The following SAMMSON variants were observed in gnomAD, a reference collection of about 807,000 sequenced individuals.
The protein encoded by SAMMSON is long intergenic non-protein coding RNA 1212.
At chr3:70,395,916 A>G (rs1274951101) in intron 2 of SAMMSON, among the ~76,000 whole-genome samples, 1 of 152,150 alleles carries the variant, frequency 6.6e-6, no homozygotes, top group Non-Finnish European at 1.5e-5. Context: ...ACCTCAGCTC[A>G]TCCAACCCTT....
intron 4 of SAMMSON, among the ~76,000 whole-genome samples, chr3:70,202,725 C>T (rs1044395275): frequency 6.6e-6 from 1 of 152,102 alleles, no homozygotes; most frequent in African/African-American, 2.4e-5. Context: ...CTTTCTACAC[C>T]CCAGGGTACC....
At chr3:70,060,792 A>C (rs1007971873) in intron 3 of SAMMSON, among the ~76,000 whole-genome samples, 1 of 152,044 alleles carries the variant, frequency 6.6e-6, no homozygotes, top group African/African-American at 2.4e-5. Flanking sequence ...ACTTGGACTG[A>C]GTTTGGGAAT....
chr3:70,405,401 G>C (rs550993673), intron 2 of SAMMSON, among the ~76,000 whole-genome samples: 4 of 152,238 alleles, frequency 2.6e-5, no homozygotes, highest in African/African-American at 9.6e-5. Flanking sequence ...TAGTATAGTA[G>C]AAGAAGCAGG....
chr3:70,289,726 T>G (rs565382248), intron 6 of SAMMSON, among the ~76,000 whole-genome samples: 61 of 152,334 alleles, frequency 4.0e-4, no homozygotes, highest in African/African-American at 1.4e-3. Context: ...TCTTTTCACA[T>G]AGTCCCATAT....
At chr3:70,005,626 CAGAA>C (rs2066923753) in intron 1 of SAMMSON, among the ~76,000 whole-genome samples, 1 of 152,034 alleles carries the variant, frequency 6.6e-6, no homozygotes, top group Non-Finnish European at 1.5e-5. Context: ...GGACCAGATT[CAGAA>C]AAAGGGGCAG....
chr3:70,088,454 C>T (rs951065931), intron 4 of SAMMSON, among the ~76,000 whole-genome samples: 1 of 152,224 alleles, frequency 6.6e-6, no homozygotes, highest in East Asian at 1.9e-4. Flanking sequence ...GTGCATCCAA[C>T]GTGCACCATG....
At chr3:70,346,832 G>A (rs1046792964) in intron 7 of SAMMSON, among the ~76,000 whole-genome samples, 2 of 152,234 alleles carry the variant, frequency 1.3e-5, no homozygotes, top group East Asian at 3.9e-4. Context: ...ATATATAATT[G>A]TAATCCAGTC....
At chr3:70,031,680 A>AG (rs1239488487) in intron 3 of SAMMSON, among the ~76,000 whole-genome samples, 1 of 151,098 alleles carries the variant, frequency 6.6e-6, no homozygotes, top group Non-Finnish European at 1.5e-5. Flanking sequence ...ACATTTTTGC[A>AG]GGAAAAAAAA....
At chr3:70,013,967 C>T (rs2107578058) in intron 3 of SAMMSON, 1 of 152,252 alleles carries the variant, frequency 6.6e-6, no homozygotes, top group Middle Eastern at 3.4e-3. Context: ...GAAATTGTTG[C>T]TTGGTTCCTC....
intron 9 of SAMMSON, among the ~76,000 whole-genome samples, chr3:70,370,535 G>T (rs904754451): frequency 4.6e-5 from 7 of 151,954 alleles, no homozygotes; most frequent in African/African-American, 1.7e-4. Context: ...TTGTGATTTT[G>T]ATTTGCATTT....
At chr3:70,308,134 C>T (rs1388281263) in intron 7 of SAMMSON, among the ~76,000 whole-genome samples, 1 of 152,192 alleles carries the variant, frequency 6.6e-6, no homozygotes, top group Admixed American at 6.5e-5. Flanking sequence ...TCACTGCAGC[C>T]TCAACCTCCC....
intron 7 of SAMMSON, chr3:70,302,498 G>A (rs1479814547): frequency 7.2e-5 from 11 of 152,036 alleles, no homozygotes; most frequent in Admixed American, 7.2e-4. Context: ...TTGATTAAGT[G>A]TATCACATCA....
At chr3:70,322,445 C>T (rs1027944091) in intron 7 of SAMMSON, among the ~76,000 whole-genome samples, 1 of 152,096 alleles carries the variant, frequency 6.6e-6, no homozygotes, top group African/African-American at 2.4e-5. Context: ...GTTCCAAGAT[C>T]TCCTCCCCAA....
At chr3:70,007,763 G>A (rs543588630) in intron 1 of SAMMSON, among the ~76,000 whole-genome samples, 2 of 152,048 alleles carry the variant, frequency 1.3e-5, no homozygotes, top group East Asian at 1.9e-4. Context: ...TTTCTTCTAG[G>A]GTTTTTATGG....
chr3:70,284,341 C>T (rs1702118800), intron 6 of SAMMSON, among the ~76,000 whole-genome samples: 1 of 152,108 alleles, frequency 6.6e-6, no homozygotes, highest in African/African-American at 2.4e-5. Context: ...AAGTTGTAAA[C>T]TAATAAAGTT....
At chr3:70,097,746 C>T (rs1000761838) in intron 4 of SAMMSON, among the ~76,000 whole-genome samples, 1 of 152,178 alleles carries the variant, frequency 6.6e-6, no homozygotes, top group Non-Finnish European at 1.5e-5. Flanking sequence ...GCTTAAAATG[C>T]ATAATCCTCA....
intron 4 of SAMMSON, among the ~76,000 whole-genome samples, chr3:70,101,185 C>A (rs1251811716): frequency 6.6e-6 from 1 of 152,042 alleles, no homozygotes; most frequent in Non-Finnish European, 1.5e-5. Context: ...GTAGCTACCC[C>A]CTCCTCCAAA....
At chr3:70,399,667 A>G (rs1256792168) in intron 2 of SAMMSON, among the ~76,000 whole-genome samples, 1 of 152,064 alleles carries the variant, frequency 6.6e-6, no homozygotes, top group East Asian at 1.9e-4. Flanking sequence ...GGAGTTTGAG[A>G]CCAGCCTGGC....
chr3:70,278,909 A>G (rs1428528374), intron 6 of SAMMSON, among the ~76,000 whole-genome samples: 2 of 151,788 alleles, frequency 1.3e-5, no homozygotes, highest in Non-Finnish European at 2.9e-5. Context: ...AGTGTTTGAC[A>G]TGTATCTGGA....
Sources: allele counts gnomAD v4.1 joint callset (sites outside exome capture counted in the v4.1 genomes callset), GRCh38; gene constraint gnomAD v4.1.1; transcripts MANE v1.5; gene names NCBI Gene and HGNC (gene_info 2026-07-23, HGNC 2026-07-21).